BCL2L14: variants seen among roughly 807,000 people sequenced by gnomAD.
BCL2L14 encodes apoptosis facilitator Bcl-2-like protein 14.
A neutral mutation model predicts 35.3 loss-of-function variants in BCL2L14; 27 were observed. The ratio of observed to expected loss-of-function variants is 0.76; its 90% CI spans 0.56 to 1.05. BCL2L14 has a LOEUF of 1.05. Ranked by LOEUF, BCL2L14 falls within the 50% of genes least tolerant of loss-of-function variation. The pLI, the probability that BCL2L14 is intolerant of heterozygous loss-of-function variation, is 0.00. For missense variants in BCL2L14, 377 were observed against 382.6 expected, an observed-to-expected ratio of 0.99 and a Z score of 0.12; for synonymous variants, 139 against 145.9, an observed-to-expected ratio of 0.95 and a Z score of 0.34.
intron 1 of BCL2L14, among the ~76,000 whole-genome samples, chr12:12,072,033 G>C (rs1463675688): frequency 1.3e-5 from 2 of 152,154 alleles, no homozygotes; most frequent in Admixed American, 1.3e-4. Context: ...TCAACTGTGT[G>C]TCCTGAGCAC....
chr12:12,066,293 C>T (rs1220008761), upstream of BCL2L14, among the ~76,000 whole-genome samples: 1 of 152,126 alleles, frequency 6.6e-6, no homozygotes, highest in South Asian at 2.1e-4. Flanking sequence ...CAACTCTGAT[C>T]CTATTTCATT....
At chr12:12,068,703 C>T (rs934608912), upstream of BCL2L14, among the ~76,000 whole-genome samples, 4 of 151,850 alleles carry the variant, frequency 2.6e-5, no homozygotes, top group Non-Finnish European at 2.9e-5. Context: ...ACTATCACAG[C>T]GTGAATCCCA....
At chr12:12,084,616 T>A (rs1414257301) in intron 2 of BCL2L14, among the ~76,000 whole-genome samples, 2 of 150,532 alleles carry the variant, frequency 1.3e-5, no homozygotes, top group Non-Finnish European at 3.0e-5. Context: ...CCCCACCCCA[T>A]CCAGTGTTCC....
intron 2 of BCL2L14, among the ~76,000 whole-genome samples, chr12:12,059,070 C>G (rs1009841103): frequency 6.6e-6 from 1 of 152,184 alleles, no homozygotes; most frequent in African/African-American, 2.4e-5. Flanking sequence ...AAAGGAGACA[C>G]GTTTTATCCG....
At chr12:12,050,445 A>AAG (rs1197645302) in intron 1 of BCL2L14, among the ~76,000 whole-genome samples, 11 of 131,122 alleles carry the variant, frequency 8.4e-5, no homozygotes, top group African/African-American at 3.3e-4. Flanking sequence ...AAAAAAAAAA[A>AAG]AAAAGAAAAG....
rs544764647 is a variant in BCL2L14, at chr12:12,061,160, A to C, written c.-272+9313A>C. On this transcript the variant is annotated intron_variant, in intron 2 of 3. Coordinates refer to the BCL2L14 transcript ENST00000461264. ...TTCCCTTATTAGACTGAGACACTTT[A>C]ACTAAATTATCTGCTTCCCTGACTA... 2.8e-3 allele frequency among the ~76,000 whole-genome samples: 411 copies of C among 144,648 alleles called. 4 individuals are homozygous for C. Among genetic ancestry groups the C allele is most frequent in the African/African-American group, 0.01 (391 of 38,824 alleles). The allele number at this position is 144,648 out of a possible 152,430, so 94.9% of individuals were successfully genotyped here.
At chr12:12,068,064 C>A (rs1948614692), upstream of BCL2L14, 3 of 396,328 alleles carry the variant, frequency 7.6e-6, no homozygotes, top group African/African-American at 2.1e-5. Flanking sequence ...CCGCCTCAGT[C>A]TCCTGAGTAG....
chr12:12,087,171 G>T (rs779273934), intron 2 of BCL2L14, 42 bp from the exon 3 acceptor site: 17 of 1,601,682 alleles, frequency 1.1e-5, no homozygotes, highest in Non-Finnish European at 1.5e-5. Flanking sequence ...GCCAGATGAA[G>T]TTCTGGGAAG....
At chr12:12,070,043 C>T (rs1395514773), upstream of BCL2L14, among the ~76,000 whole-genome samples, 1 of 152,196 alleles carries the variant, frequency 6.6e-6, no homozygotes, top group African/African-American at 2.4e-5. Flanking sequence ...ATCTATTTCA[C>T]TTAAGACTCT....
intron 2 of BCL2L14, among the ~76,000 whole-genome samples, chr12:12,052,483 T>C (rs1948372431): frequency 6.6e-6 from 1 of 152,252 alleles, no homozygotes; most frequent in African/African-American, 2.4e-5. Context: ...TTTGTCTTTC[T>C]GTGCCTGGCT....
chr12:12,077,930 CA>C, intron 1 of BCL2L14: 1 of 419,650 alleles, frequency 2.4e-6, no homozygotes, highest in South Asian at 1.7e-5. Context: ...AGATTATTAG[CA>C]AAAAGAACTG....
At chr12:12,079,848 T>C in intron 2 of BCL2L14, 110 bp downstream of exon 2, 1 of 1,105,304 alleles carries the variant, frequency 9.0e-7, no homozygotes, top group Non-Finnish European at 1.3e-6. Context: ...AAGGCATGCG[T>C]TGTGCCTCAG....
At chr12:12,091,036 G>A (rs1949178685) in intron 4 of BCL2L14, among the ~76,000 whole-genome samples, 187 bp downstream of exon 4, 1 of 152,148 alleles carries the variant, frequency 6.6e-6, no homozygotes, top group Non-Finnish European at 1.5e-5. Context: ...GAGTCACTTT[G>A]GAAAACATAA....
At chr12:12,084,929 C>T (rs1016301397) in intron 2 of BCL2L14, among the ~76,000 whole-genome samples, 24 of 151,880 alleles carry the variant, frequency 1.6e-4, no homozygotes, top group African/African-American at 5.1e-4. Flanking sequence ...CAAAAATTAG[C>T]TGGACGTAGT....
At chr12:12,059,239 C>T (rs1325199322) in intron 2 of BCL2L14, among the ~76,000 whole-genome samples, 11 of 151,810 alleles carry the variant, frequency 7.2e-5, no homozygotes, top group Non-Finnish European at 1.3e-4. Context: ...GCGGCAAGTC[C>T]CGCTTTTCTG....
rs147661390 is a variant in BCL2L14, at chr12:12,095,738, C to T, written c.945+808C>T. The T allele has an allele frequency of 4.1e-6, 4 of 985,236 alleles. No individual in the cohort carries two copies. In the African/African-American group the frequency reaches 5.2e-5, roughly 13 times the overall value. 61.0% of individuals were successfully genotyped at this position (985,236 alleles called of 1,614,324 possible). On this transcript the variant is annotated intron_variant, in intron 5 of 5. Coordinates refer to ENST00000308721, the MANE Select transcript of BCL2L14 (RefSeq NM_138723.2). ...TCGGCTCTAGGCATGGCTGGAGTGA[C>T]CCTGGGACCTCCACACAGCCTTGGT...
At chr12:12,076,019 G>T (rs1948772981) in intron 1 of BCL2L14, among the ~76,000 whole-genome samples, 1 of 151,386 alleles carries the variant, frequency 6.6e-6, no homozygotes, top group Non-Finnish European at 1.5e-5. Flanking sequence ...TGGGAACAGG[G>T]AAGTGGAGCT....
intron 2 of BCL2L14, among the ~76,000 whole-genome samples, chr12:12,061,551 C>T (rs534324771): frequency 3.9e-5 from 6 of 152,070 alleles, no homozygotes; most frequent in African/African-American, 9.6e-5. Flanking sequence ...AATTGTTTTG[C>T]CTATCCACCC....
intron 2 of BCL2L14, 41 bp downstream of exon 2, chr12:12,079,779 T>C (rs1591822380): frequency 6.3e-7 from 1 of 1,584,178 alleles, no homozygotes; most frequent in Non-Finnish European, 8.6e-7. Context: ...TTCCTGGTTT[T>C]TCCCTTCTTT....
Sources: allele counts gnomAD v4.1 joint callset (sites outside exome capture counted in the v4.1 genomes callset), GRCh38; gene constraint gnomAD v4.1.1; transcripts MANE v1.5; gene names NCBI Gene and HGNC (gene_info 2026-07-23, HGNC 2026-07-21).